The following UQCC2 variants were observed in gnomAD, a reference collection of about 807,000 sequenced individuals.
The protein encoded by UQCC2 is breast cancer-associated protein SGA-81M.
Under a neutral mutation model 19.9 loss-of-function variants are expected in UQCC2, and 21 were observed. The ratio of observed to expected loss-of-function variants is 1.05; its 90% CI spans 0.75 to 1.52. UQCC2 has a LOEUF of 1.52. UQCC2 is among the 40% of genes most tolerant of loss of function. UQCC2 has a pLI of 0.00. For missense variants in UQCC2, 135 were observed against 157.5 expected (o/e 0.86, Z 0.76); for synonymous variants, 57 against 60.9 (o/e 0.94, Z 0.30).
rs763635977 is a variant in UQCC2, at chr6:33,697,642, A to G, written c.*11T>C. 3.2e-5 allele frequency: 52 copies of G among 1,602,864 alleles called. 1 individual carries two copies. The highest frequency in any genetic ancestry group is 4.3e-5 in the Non-Finnish European group (51 of 1,174,674). On this transcript the variant is annotated 3_prime_UTR_variant, in exon 4 of 4. Coordinates refer to ENST00000607484, the MANE Select transcript of UQCC2 (RefSeq NM_032340.4). Reference sequence around the variant, plus strand: ...CCACACCTAGGTATGTGCACGAGGTAAGGCCTGAGCTCAGGCCTTATGATC... The same window carrying G: ...CCACACCTAGGTATGTGCACGAGGTGAGGCCTGAGCTCAGGCCTTATGATC...
chr6:33,698,655 T>G (rs1292398430), intron 3 of UQCC2: 1 of 152,112 alleles, frequency 6.6e-6, no homozygotes, highest in Non-Finnish European at 1.5e-5. Context: ...GGCCAGATAA[T>G]TTTTCGTCGT....
At chr6:33,711,263 C>T (rs953945897) in intron 1 of UQCC2, among the ~76,000 whole-genome samples, 15 of 152,324 alleles carry the variant, frequency 9.8e-5, no homozygotes, top group African/African-American at 2.6e-4. Context: ...CCTCCCGCCT[C>T]GGCCTCTCAA....
At chr6:33,700,301 G>A (rs145739707) in intron 3 of UQCC2, 143 bp downstream of exon 3, 8 of 821,572 alleles carry the variant, frequency 9.7e-6, no homozygotes, top group East Asian at 2.5e-5. Context: ...AAATGCATGC[G>A]CCCTGTAGCT....
chr6:33,699,911 T>C (rs1283231830), intron 3 of UQCC2, among the ~76,000 whole-genome samples: 1 of 152,202 alleles, frequency 6.6e-6, no homozygotes, highest in Non-Finnish European at 1.5e-5. Context: ...ACAATGGAGA[T>C]AGGGAAGTAA....
intron 3 of UQCC2, chr6:33,698,049 G>C: frequency 7.9e-6 from 3 of 381,568 alleles, no homozygotes; most frequent in Non-Finnish European, 1.4e-5. Context: ...CTCCGTATGA[G>C]GGCAAAGAAA....
At position 33,711,541 on chromosome 6, in the gene UQCC2, C is replaced by T; in HGVS notation, c.138+8G>A. 1 of 1,593,320 alleles carries T rather than the reference C, an allele frequency of 6.3e-7. No homozygotes were observed. Among genetic ancestry groups the T allele is most frequent in the Non-Finnish European group, 8.5e-7 (1 of 1,170,736 alleles). ...TCCCCTCGTCCCAGCCGCCTCCCCG[C>T]CGGTCACCTGGGTATTCTCTCCCTC... On this transcript the variant is annotated splice_region_variant and intron_variant, in intron 1 of 3. Coordinates refer to ENST00000607484, the MANE Select transcript of UQCC2 (RefSeq NM_032340.4).
At position 33,697,576 on chromosome 6, in the gene UQCC2, A is replaced by G. The variant is rs1582177389; in HGVS notation, c.*77T>C. Reference sequence around the variant, plus strand: ...ATTCCCAAACCGTAAGGTCAAGGGGAAACTGGGGCAGTTTTATTGACGATG... The same window carrying G: ...ATTCCCAAACCGTAAGGTCAAGGGGGAACTGGGGCAGTTTTATTGACGATG... On this transcript the variant is annotated 3_prime_UTR_variant, in exon 4 of 4. Coordinates refer to ENST00000607484, the MANE Select transcript of UQCC2 (RefSeq NM_032340.4). The G allele has an allele frequency of 8.9e-7, 1 of 1,127,644 alleles. No individual in the cohort carries two copies. The highest frequency in any genetic ancestry group is 1.6e-5 in the African/African-American group (1 of 63,862). The allele number at this position is 1,127,644 out of a possible 1,614,324, so 69.9% of individuals were successfully genotyped here.
At chr6:33,707,860 C>A (rs1765718277) in intron 1 of UQCC2, among the ~76,000 whole-genome samples, 2 of 152,186 alleles carry the variant, frequency 1.3e-5, no homozygotes, top group Non-Finnish European at 2.9e-5. Context: ...ATTGGCAAAG[C>A]CCATAAACAC....
intron 1 of UQCC2, among the ~76,000 whole-genome samples, chr6:33,702,371 T>C (rs887301075): frequency 6.5e-4 from 98 of 151,032 alleles, no homozygotes; most frequent in Middle Eastern, 3.5e-3. Context: ...TCTCAATCTA[T>C]GATAAGTGGG....
chr6:33,700,148 T>C (rs1252621195), intron 3 of UQCC2, among the ~76,000 whole-genome samples: 1 of 152,242 alleles, frequency 6.6e-6, no homozygotes, highest in Non-Finnish European at 1.5e-5. Context: ...AAAATTATTT[T>C]CCTTCCATCC....
chr6:33,709,746 GCT>G (rs1482263789), intron 1 of UQCC2, among the ~76,000 whole-genome samples: 4 of 151,860 alleles, frequency 2.6e-5, no homozygotes, highest in African/African-American at 7.2e-5. Flanking sequence ...GGCTGGCTTG[GCT>G]CTGTTTCGGG....
intron 1 of UQCC2, among the ~76,000 whole-genome samples, chr6:33,711,088 G>A (rs926474050): frequency 2.0e-5 from 3 of 152,148 alleles, no homozygotes; most frequent in African/African-American, 7.2e-5. Flanking sequence ...TGGTGGTGTG[G>A]GTCTCAACTC....
At chr6:33,703,778 T>C (rs1238798952) in intron 1 of UQCC2, among the ~76,000 whole-genome samples, 1 of 152,194 alleles carries the variant, frequency 6.6e-6, no homozygotes, top group African/African-American at 2.4e-5. Context: ...GAACATTCTC[T>C]TATATAACCA....
At chr6:33,704,548 G>A (rs574318911) in intron 1 of UQCC2, among the ~76,000 whole-genome samples, 9 of 152,282 alleles carry the variant, frequency 5.9e-5, no homozygotes, top group South Asian at 2.1e-4. Flanking sequence ...ATGGTCTGCC[G>A]AGAGAGCAGC....
chr6:33,697,414 A>C lies in UQCC2; in HGVS notation c.*239T>G. On this transcript the variant is annotated 3_prime_UTR_variant, in exon 4 of 4. Transcript: ENST00000607484. The stretch of plus-strand genomic sequence containing the variant: ...CATTACCCTCATCAGGCCCAGAGGG[A>C]AACCTGCATTTCCTCTCCCCAGGAG... 4.5e-6 allele frequency: 2 copies of C among 446,224 alleles called. No homozygotes were observed. Among genetic ancestry groups the C allele is most frequent in the Non-Finnish European group, 7.9e-6 (2 of 254,234 alleles). 27.6% of individuals were successfully genotyped at this position (446,224 alleles called of 1,614,324 possible).
In UQCC2 at chr6:33,697,555, C is replaced by A; in HGVS notation, c.*98G>T. On this transcript the variant is annotated 3_prime_UTR_variant, in exon 4 of 4. Coordinates refer to ENST00000607484, the MANE Select transcript of UQCC2 (RefSeq NM_032340.4). Reference sequence around the variant, plus strand: ...TTTCTGGGAAAGCTAGAGGAGATTCCCAAACCGTAAGGTCAAGGGGAAACT... The same window carrying A: ...TTTCTGGGAAAGCTAGAGGAGATTCACAAACCGTAAGGTCAAGGGGAAACT... The A allele has an allele frequency of 1.1e-6, 1 of 927,374 alleles. No homozygotes were observed. Among genetic ancestry groups the A allele is most frequent in the East Asian group, 2.5e-5 (1 of 40,130 alleles). The allele number at this position is 927,374 out of a possible 1,614,324, so 57.4% of individuals were successfully genotyped here.
rs751083157 is a variant in UQCC2, at chr6:33,697,769, A to G, written c.284-19T>C. The G allele has an allele frequency of 1.4e-5, 22 of 1,599,578 alleles. No individual in the cohort carries two copies. Among genetic ancestry groups the G allele is most frequent in the Non-Finnish European group, 1.7e-5 (20 of 1,169,122 alleles). The stretch of plus-strand genomic sequence containing the variant: ...AAGGTGTCTGCAAAAGGGGAAGACA[A>G]AAAGAGAGAGGGACTGAAGTCTAAA... On this transcript the variant is annotated intron_variant, in intron 3 of 3. Coordinates refer to ENST00000607484, the MANE Select transcript of UQCC2 (RefSeq NM_032340.4).
Position 33,708,575 on chromosome 6 carries a change from C to T in UQCC2, c.138+2974G>A, listed in dbSNP as rs1000611937. Among the ~76,000 whole-genome samples the T allele has an allele frequency of 5.9e-5, 9 of 152,076 alleles. 1 individual carries two copies. The highest frequency in any genetic ancestry group is 1.3e-4 in the Non-Finnish European group (9 of 67,994). On this transcript the variant is annotated intron_variant, in intron 1 of 3. Coordinates refer to ENST00000607484, the MANE Select transcript of UQCC2 (RefSeq NM_032340.4). ...GAGGACTGACTGCCTCTCTCCTCTACGGAAATGGAAAGACGGCATGAGCAG... is the reference window on the plus strand; with the variant it reads ...GAGGACTGACTGCCTCTCTCCTCTATGGAAATGGAAAGACGGCATGAGCAG...
intron 1 of UQCC2, among the ~76,000 whole-genome samples, chr6:33,704,364 A>G (rs567267223): frequency 3.3e-4 from 51 of 152,362 alleles, no homozygotes; most frequent in South Asian, 1.2e-3. Context: ...CTCCAGGCAC[A>G]GGACCAGGTG....
Sources: allele counts gnomAD v4.1 joint callset (sites outside exome capture counted in the v4.1 genomes callset), GRCh38; gene constraint gnomAD v4.1.1; transcripts MANE v1.5; gene names NCBI Gene and HGNC (gene_info 2026-07-23, HGNC 2026-07-21).